The following LRRC56 variants were observed in gnomAD, a reference collection of about 807,000 sequenced individuals.
The protein encoded by LRRC56 is leucine-rich repeat-containing protein 56.
LRRC56 carries 41 observed loss-of-function variants against 47.8 expected under a neutral mutation model. That is an observed-to-expected ratio of 0.86 (90% CI 0.67 to 1.11). The LOEUF is 1.11. Among genes scored for constraint, LRRC56 ranks in the 50% most tolerant of loss-of-function variants. The probability of loss-of-function intolerance (pLI) is 0.00; values close to 1 mark genes in which losing one functional copy is unlikely to be tolerated. For missense variants in LRRC56, 759 were observed against 704.2 expected, an observed-to-expected ratio of 1.08 and a Z score of -0.88; for synonymous variants, 387 against 311.2, an observed-to-expected ratio of 1.24 and a Z score of -2.56.
At chr11:552,949 C>T (rs182502582) in intron 13 of LRRC56, among the ~76,000 whole-genome samples, 30 of 152,282 alleles carry the variant, frequency 2.0e-4, no homozygotes, top group South Asian at 4.1e-4. Context: ...CCGGGCTGGA[C>T]GAAAGAGAGG....
In LRRC56 at chr11:551,650, G is replaced by C. The variant is rs1420052434; in HGVS notation, c.797-1G>C. On this transcript the variant is annotated splice_acceptor_variant, in intron 9 of 13. Transcript: ENST00000270115. LOFTEE classifies it high-confidence loss of function. ...GACCTCTGCTTCTGAACCTCGGGCAGACTGTCCCCGTGGAGCCCCCATCCG... is the reference window on the plus strand; with the variant it reads ...GACCTCTGCTTCTGAACCTCGGGCACACTGTCCCCGTGGAGCCCCCATCCG... The C allele has an allele frequency of 6.4e-7, 1 of 1,556,302 alleles. No homozygotes were observed.
At chr11:523,478 A>G in the LRRC56 span, among the ~76,000 whole-genome samples, 1 of 151,448 alleles carries the variant, frequency 6.6e-6, no homozygotes, top group Non-Finnish European at 1.5e-5. Flanking sequence ...TACAAATACA[A>G]AAATTAGCCA....
At chr11:534,825 G>A (rs944788608), upstream of LRRC56, among the ~76,000 whole-genome samples, 2 of 152,200 alleles carry the variant, frequency 1.3e-5, no homozygotes, top group African/African-American at 2.4e-5. Flanking sequence ...TTTGCTGAGC[G>A]CCTACTGCGT....
the LRRC56 span, among the ~76,000 whole-genome samples, chr11:527,698 A>ATTTT: frequency 3.2e-4 from 36 of 111,514 alleles, no homozygotes; most frequent in South Asian, 8.9e-4. Flanking sequence ...CGCCCGGCTA[A>ATTTT]TTTTTTTTTT....
At chr11:551,350 C>G in intron 9 of LRRC56, 48 bp downstream of exon 9, 2 of 1,303,228 alleles carry the variant, frequency 1.5e-6, no homozygotes, top group Non-Finnish European at 2.1e-6. Flanking sequence ...CCAGCTCCCC[C>G]CAGGAAGAGG....
At chr11:517,124 G>A in the LRRC56 span, among the ~76,000 whole-genome samples, 9 of 152,362 alleles carry the variant, frequency 5.9e-5, no homozygotes, top group East Asian at 1.7e-3. Context: ...TGCTGGGATT[G>A]CAGACGGAGT....
At chr11:534,595 A>C (rs1851340458), upstream of LRRC56, 2 of 554,902 alleles carry the variant, frequency 3.6e-6, no homozygotes, top group Admixed American at 3.1e-5. Context: ...TGATGGGAAA[A>C]GGGACCCAGC....
upstream of LRRC56, among the ~76,000 whole-genome samples, chr11:535,005 GA>G (rs1056422778): frequency 3.3e-5 from 5 of 152,202 alleles, no homozygotes; most frequent in African/African-American, 1.2e-4. Flanking sequence ...CCCGGAGAGG[GA>G]AAAGGCACTG....
At chr11:512,192 C>G in the LRRC56 span, among the ~76,000 whole-genome samples, 2 of 151,914 alleles carry the variant, frequency 1.3e-5, no homozygotes, top group African/African-American at 4.8e-5. Context: ...TCTGCCTGCC[C>G]TGGCCTCCCA....
At chr11:540,950 T>A in intron 4 of LRRC56, 89 bp downstream of exon 4, 1 of 1,103,220 alleles carries the variant, frequency 9.1e-7, no homozygotes, top group Non-Finnish European at 1.3e-6. Context: ...CAGCCTGCCC[T>A]CTGTCCCCCT....
At chr11:520,987 A>G in the LRRC56 span, among the ~76,000 whole-genome samples, 2 of 152,228 alleles carry the variant, frequency 1.3e-5, no homozygotes, top group Non-Finnish European at 2.9e-5. Flanking sequence ...CGCTGCCTGA[A>G]CACCGGCATT....
Position 554,311 on chromosome 11 carries a change from GCCA to G in LRRC56, c.*37_*39del. Reference sequence around the variant, plus strand: ...CACTGCCAGGCTTCCCTGTGCTGGGGCCACGACTTGCCCACATATGTGGTCACA... The same window carrying G: ...CACTGCCAGGCTTCCCTGTGCTGGGGCGACTTGCCCACATATGTGGTCACA... On this transcript the variant is annotated 3_prime_UTR_variant, in exon 14 of 14. Transcript: ENST00000270115. 1 of 1,457,564 alleles carries G rather than the reference GCCA, an allele frequency of 6.9e-7. No individual in the cohort carries two copies. The allele number at this position is 1,457,564 out of a possible 1,614,324, so 90.3% of individuals were successfully genotyped here.
chr11:534,092 G>A (rs927686575), upstream of LRRC56: 1 of 1,157,896 alleles, frequency 8.6e-7, no homozygotes, highest in East Asian at 2.4e-5. Context: ...TCTAGAGGAA[G>A]CAGGAGACAG....
chr11:515,788 A>G, the LRRC56 span, among the ~76,000 whole-genome samples: 1 of 152,194 alleles, frequency 6.6e-6, no homozygotes. Flanking sequence ...CAGTGAGTCA[A>G]GATTGTGCCA....
intron 4 of LRRC56, 49 bp downstream of exon 4, chr11:540,910 A>T: frequency 7.1e-7 from 1 of 1,406,816 alleles, no homozygotes; most frequent in Non-Finnish European, 9.6e-7. Flanking sequence ...CCGTGGGGTG[A>T]CATCCCAGGG....
chr11:521,916 A>G, the LRRC56 span, among the ~76,000 whole-genome samples: 3 of 151,404 alleles, frequency 2.0e-5, no homozygotes, highest in African/African-American at 4.9e-5. Context: ...CTCCGTCTCA[A>G]AAAAAAAACG....
chr11:553,000 G>A (rs530236057), intron 13 of LRRC56, among the ~76,000 whole-genome samples: 65 of 152,270 alleles, frequency 4.3e-4, no homozygotes, highest in African/African-American at 1.5e-3. Flanking sequence ...CAGAGGAGTC[G>A]GGACAGAAAG....
the LRRC56 span, among the ~76,000 whole-genome samples, chr11:522,509 G>A: frequency 8.5e-5 from 13 of 152,096 alleles, no homozygotes; most frequent in East Asian, 1.9e-4. Context: ...CTCGTGATTC[G>A]CCCACCTCGG....
chr11:535,307 GCC>G (rs1851415858), upstream of LRRC56: 1 of 109,878 alleles, frequency 9.1e-6, no homozygotes, highest in African/African-American at 4.3e-5. Context: ...CGCCGCCGCC[GCC>G]GCCGCTTACG....
Sources: gnomAD v4.1 joint callset for allele counts (sites outside exome capture counted in the v4.1 genomes callset) on GRCh38, gnomAD v4.1.1 for gene constraint, MANE v1.5 for transcripts, NCBI Gene and HGNC (gene_info 2026-07-23, HGNC 2026-07-21) for gene names.